The following RBFOX1 variants were observed in gnomAD, a reference collection of about 807,000 sequenced individuals.
RBFOX1 encodes the protein RNA binding fox-1 homolog 1, also known as RNA binding protein fox-1 homolog 1.
A neutral mutation model predicts 57.7 loss-of-function variants in RBFOX1; 8 were observed. The ratio of observed to expected loss-of-function variants is 0.14; its 90% CI spans 0.08 to 0.25. RBFOX1 has a LOEUF of 0.25. Among genes scored for constraint, RBFOX1 ranks in the 10% least tolerant of loss-of-function variants. The pLI is 1.00. For synonymous variants in RBFOX1, 326 were observed against 222.4 expected, an observed-to-expected ratio of 1.47 and a Z score of -4.15; for missense variants, 611 against 548.5, an observed-to-expected ratio of 1.11 and a Z score of -1.14.
chr16:6,624,131 C>G (rs1343841335), intron 2 of RBFOX1, among the ~76,000 whole-genome samples: 1 of 152,036 alleles, frequency 6.6e-6, no homozygotes, highest in African/African-American at 2.4e-5. Flanking sequence ...ACTGGAAAAA[C>G]AAAATATAAG....
At chr16:7,144,417 C>CTTCTTCTTTTTTTTTTT (rs3046798) in intron 4 of RBFOX1, among the ~76,000 whole-genome samples, 2 of 66,914 alleles carry the variant, frequency 3.0e-5, no homozygotes, top group African/African-American at 1.2e-4. Flanking sequence ...TTTCTTTCTT[C>CTTCTTCTTTTTTTTTTT]TTTTTTTTTT....
intron 3 of RBFOX1, among the ~76,000 whole-genome samples, chr16:5,802,997 A>G (rs1423367791): frequency 1.3e-5 from 2 of 152,192 alleles, no homozygotes; most frequent in African/African-American, 2.4e-5. Context: ...GAGAATTCAT[A>G]GTTTAGAGAA....
chr16:7,377,706 G>A (rs2097709726), intron 4 of RBFOX1, among the ~76,000 whole-genome samples: 1 of 152,112 alleles, frequency 6.6e-6, no homozygotes. Flanking sequence ...AACCTATCTG[G>A]GATCTAAGAA....
intron 3 of RBFOX1, among the ~76,000 whole-genome samples, chr16:5,802,492 C>A (rs960018433): frequency 6.6e-6 from 1 of 152,126 alleles, no homozygotes; most frequent in African/African-American, 2.4e-5. Context: ...CTTGGCCCTT[C>A]CCTCATCCCA....
intron 2 of RBFOX1, among the ~76,000 whole-genome samples, chr16:5,591,022 T>A (rs1014782852): frequency 6.6e-6 from 1 of 152,132 alleles, no homozygotes; most frequent in African/African-American, 2.4e-5. Context: ...AAACATTTTT[T>A]TTTTTTTTTC....
chr16:6,540,511 C>T (rs776374897), intron 2 of RBFOX1, among the ~76,000 whole-genome samples: 17 of 146,622 alleles, frequency 1.2e-4, no homozygotes, highest in Non-Finnish European at 2.2e-4. Context: ...ACTCAGGAGG[C>T]TGAGGCAGGA....
chr16:6,598,521 G>A (rs2097802244), intron 2 of RBFOX1, among the ~76,000 whole-genome samples: 1 of 151,996 alleles, frequency 6.6e-6, no homozygotes, highest in Non-Finnish European at 1.5e-5. Context: ...ATACAAAGAT[G>A]ATTATTCCAA....
At chr16:7,159,797 C>G (rs771805388) in intron 4 of RBFOX1, among the ~76,000 whole-genome samples, 2 of 152,148 alleles carry the variant, frequency 1.3e-5, no homozygotes, top group Non-Finnish European at 2.9e-5. Context: ...CAAGAGCCAA[C>G]GCATACATCC....
chr16:5,924,722 G>C (rs185925723), intron 4 of RBFOX1, among the ~76,000 whole-genome samples: 1 of 152,258 alleles, frequency 6.6e-6, no homozygotes, highest in Admixed American at 6.5e-5. Flanking sequence ...AGCAACACAA[G>C]TGGTCTAAGA....
chr16:5,331,261 G>T (rs1054200150), intron 1 of RBFOX1, among the ~76,000 whole-genome samples: 1 of 152,200 alleles, frequency 6.6e-6, no homozygotes, highest in Non-Finnish European at 1.5e-5. Context: ...ATCACCAGAT[G>T]GTTGTCATGT....
rs555704346 is a variant in RBFOX1, at chr16:5,319,824, C to T, written c.219+79719C>T. ...CACAGTCATTCAGGGATCCAGGCTC[C>T]TTCAACTCTGTGACTACATCATGCT... is the stretch of plus-strand genomic sequence containing the variant. On this transcript the variant is annotated intron_variant, in intron 1 of 2. Coordinates refer to the RBFOX1 transcript ENST00000585867. Among the ~76,000 whole-genome samples, 140 of 152,314 alleles carry T rather than the reference C, an allele frequency of 9.2e-4. 1 individual carries two copies. Among genetic ancestry groups the T allele is most frequent in the South Asian group, 4.4e-3 (21 of 4,824 alleles).
At chr16:7,482,028 G>C (rs2064084281) in intron 4 of RBFOX1, among the ~76,000 whole-genome samples, 1 of 152,220 alleles carries the variant, frequency 6.6e-6, no homozygotes, top group Non-Finnish European at 1.5e-5. Flanking sequence ...GAAAAGTCTT[G>C]AGTCGGGGCG....
In RBFOX1 at chr16:5,928,557, G is replaced by A. The variant is rs370226184; in HGVS notation, c.351+61222G>A. Among the ~76,000 whole-genome samples the A allele has an allele frequency of 4.6e-5, 7 of 152,132 alleles. No individual in the cohort carries two copies. In the East Asian group the frequency reaches 7.7e-4, roughly 17 times the overall value. On this transcript the variant is annotated intron_variant, in intron 4 of 19. Coordinates refer to the RBFOX1 transcript ENST00000641259. ...TGTCAATTTAAAATAAAATTGTTAT[G>A]TTAGGTAACACTGGTGAAAGTCACT...
At chr16:6,245,486 C>G (rs957272781) in intron 1 of RBFOX1, among the ~76,000 whole-genome samples, 1 of 152,128 alleles carries the variant, frequency 6.6e-6, no homozygotes, top group African/African-American at 2.4e-5. Context: ...CACAGCAGAC[C>G]AATGACAAGA....
chr16:5,874,673 G>C (rs549545813), intron 4 of RBFOX1, among the ~76,000 whole-genome samples: 18 of 152,278 alleles, frequency 1.2e-4, no homozygotes, highest in African/African-American at 4.1e-4. Flanking sequence ...AGCTGGGCGA[G>C]GTGGTTTATG....
intron 2 of RBFOX1, among the ~76,000 whole-genome samples, chr16:5,528,374 A>C (rs1482390318): frequency 6.6e-6 from 1 of 152,030 alleles, no homozygotes; most frequent in Non-Finnish European, 1.5e-5. Flanking sequence ...CATTCATCTT[A>C]GGAGTATGTG....
At chr16:5,859,950 G>A (rs927912823) in intron 3 of RBFOX1, among the ~76,000 whole-genome samples, 1 of 152,136 alleles carries the variant, frequency 6.6e-6, no homozygotes, top group Non-Finnish European at 1.5e-5. Flanking sequence ...CTGGAAGCCT[G>A]GGCTCCCGTG....
rs992156177 is a variant in RBFOX1 at position 7,468,971 on chromosome 16, T to G, written c.28-49176T>G. Among the ~76,000 whole-genome samples, 9 of 151,872 alleles carry G rather than the reference T, an allele frequency of 5.9e-5. 1 individual carries two copies. The highest frequency in any genetic ancestry group is 6.6e-5 in the Admixed American group (1 of 15,258). On this transcript the variant is annotated intron_variant, in intron 4 of 15. Coordinates refer to ENST00000550418, the MANE Select transcript of RBFOX1 (RefSeq NM_018723.4). ...TTTTTTGAGGCAGAGTCTCATTCTG[T>G]CACCCAGGCTGGAGTGCAGTGTTGC... is the stretch of plus-strand genomic sequence containing the variant.
At chr16:6,570,473 T>C (rs965620376) in intron 2 of RBFOX1, among the ~76,000 whole-genome samples, 1 of 152,086 alleles carries the variant, frequency 6.6e-6, no homozygotes, top group African/African-American at 2.4e-5. Flanking sequence ...TCAGAAGATA[T>C]AAAAGATCCA....
Sources: gnomAD v4.1 joint callset for allele counts (sites outside exome capture counted in the v4.1 genomes callset) on GRCh38, gnomAD v4.1.1 for gene constraint, MANE v1.5 for transcripts, NCBI Gene and HGNC (gene_info 2026-07-23, HGNC 2026-07-21) for gene names.